Variants in HMCN1 observed in about 807,000 individuals in gnomAD.
The protein encoded by HMCN1 is hemicentin 1, also known as hemicentin-1.
Under a neutral mutation model 625.9 loss-of-function variants are expected in HMCN1, and 321 were observed. The ratio of observed to expected loss-of-function variants is 0.51; its 90% CI spans 0.47 to 0.56. The LOEUF (loss-of-function observed/expected upper bound fraction) is 0.56, where lower values mean the gene tolerates loss of function less well. HMCN1 is among the 20% of genes least tolerant of loss of function. The probability of loss-of-function intolerance (pLI) is 0.00; values close to 1 mark genes in which losing one functional copy is unlikely to be tolerated. For missense variants in HMCN1, 6,588 were observed against 6,887.3 expected, an observed-to-expected ratio of 0.96 and a Z score of 1.54; for synonymous variants, 2,425 against 2,417.6, an observed-to-expected ratio of 1.00 and a Z score of -0.09.
At position 185,893,994 on chromosome 1, in the gene HMCN1, G is replaced by A. The variant is rs1045409024; in HGVS notation, c.622-15343G>A. Among the ~76,000 whole-genome samples the A allele has an allele frequency of 1.0e-3, 158 of 152,048 alleles. 3 individuals carry two copies. Among genetic ancestry groups the A allele is most frequent in the African/African-American group, 3.6e-3 (148 of 41,468 alleles). On this transcript the variant is annotated intron_variant, in intron 4 of 106. Coordinates refer to ENST00000271588, the MANE Select transcript of HMCN1 (RefSeq NM_031935.3). The stretch of plus-strand genomic sequence containing the variant: ...ACATAGATTACAAAAAATTAGCCAG[G>A]CGTAGTGGCGGGCCCCTGTAGTCCC...
chr1:185,934,180 C>T (rs1252311181), intron 11 of HMCN1, among the ~76,000 whole-genome samples: 1 of 152,024 alleles, frequency 6.6e-6, no homozygotes, highest in Non-Finnish European at 1.5e-5. Flanking sequence ...AAAACAATTT[C>T]TTCCCAATTT....
intron 1 of HMCN1, among the ~76,000 whole-genome samples, chr1:185,777,942 G>A (rs140867830): frequency 6.6e-6 from 1 of 152,304 alleles, no homozygotes; most frequent in Non-Finnish European, 1.5e-5. Flanking sequence ...TGGTTACGGG[G>A]GAGAGCAGAA....
intron 91 of HMCN1, among the ~76,000 whole-genome samples, 192 bp from the exon 92 acceptor site, chr1:186,145,211 T>A (rs142129647): frequency 2.9e-4 from 44 of 152,386 alleles, no homozygotes; most frequent in African/African-American, 8.4e-4. Flanking sequence ...AATACAGGAA[T>A]GCATACTCAG....
At chr1:186,175,612 G>T (rs1001113632) in intron 103 of HMCN1, among the ~76,000 whole-genome samples, 1 of 152,100 alleles carries the variant, frequency 6.6e-6, no homozygotes, top group African/African-American at 2.4e-5. Flanking sequence ...CCATAACCGT[G>T]ACTTTTCAGA....
At chr1:185,762,660 T>G (rs1194288791) in intron 1 of HMCN1, among the ~76,000 whole-genome samples, 1 of 152,160 alleles carries the variant, frequency 6.6e-6, no homozygotes, top group Non-Finnish European at 1.5e-5. Context: ...TCAGCAGTAT[T>G]GACCATAACC....
chr1:185,749,483 G>A (rs929381759), intron 1 of HMCN1, among the ~76,000 whole-genome samples: 3 of 152,080 alleles, frequency 2.0e-5, no homozygotes, highest in African/African-American at 7.2e-5. Context: ...AGTACCTCAC[G>A]TTTATCATCA....
intron 97 of HMCN1, among the ~76,000 whole-genome samples, chr1:186,164,884 G>T (rs573839591): frequency 6.6e-6 from 1 of 152,188 alleles, no homozygotes; most frequent in Non-Finnish European, 1.5e-5. Flanking sequence ...ACTTACACAC[G>T]AAACCTGTTT....
rs1652836814 is a variant in HMCN1 at position 186,179,880 on chromosome 1, G to A, written c.16294+1114G>A. 4.6e-5 allele frequency among the ~76,000 whole-genome samples: 7 copies of A among 152,108 alleles called. 1 individual carries two copies. The South Asian group carries it at 1.5e-3, about 32-fold the overall frequency. ...CATCTTCCCATATCATCTCCACTCA[G>A]TTGGGCCCTCAGTCCCTCTGGACAC... On this transcript the variant is annotated intron_variant, in intron 104 of 106. Transcript: ENST00000271588.
chr1:186,176,560 A>C (rs1355980876), intron 103 of HMCN1, among the ~76,000 whole-genome samples: 1 of 152,166 alleles, frequency 6.6e-6, no homozygotes, highest in African/African-American at 2.4e-5. Context: ...CCATTCCTTC[A>C]TTAATTCAAC....
chr1:185,919,606 T>G (rs1666901189), intron 6 of HMCN1, among the ~76,000 whole-genome samples: 1 of 152,140 alleles, frequency 6.6e-6, no homozygotes, highest in African/African-American at 2.4e-5. Context: ...ATAACTCTCC[T>G]CCTATTGTGT....
intron 4 of HMCN1, among the ~76,000 whole-genome samples, chr1:185,881,165 C>G (rs1335489171): frequency 6.6e-6 from 1 of 152,322 alleles, no homozygotes; most frequent in East Asian, 1.9e-4. Context: ...GGGCAAAGGA[C>G]CAGTGTGACA....
chr1:185,883,405 C>G (rs1257859354), intron 4 of HMCN1, among the ~76,000 whole-genome samples: 1 of 152,064 alleles, frequency 6.6e-6, no homozygotes, highest in Non-Finnish European at 1.5e-5. Context: ...TGCCCCCTTT[C>G]ACTCACTTCT....
intron 102 of HMCN1, 85 bp downstream of exon 102, chr1:186,172,216 A>G: frequency 1.3e-6 from 2 of 1,544,250 alleles, no homozygotes; most frequent in Admixed American, 1.7e-5. Context: ...AAGTGATTAG[A>G]GTAAATTTAA....
chr1:186,121,027 T>G (rs1272440226), intron 80 of HMCN1, among the ~76,000 whole-genome samples: 1 of 152,144 alleles, frequency 6.6e-6, no homozygotes, highest in African/African-American at 2.4e-5. Context: ...GGAAGTAATA[T>G]TTAAGTGACC....
At chr1:185,968,781 C>T (rs1357972668) in intron 14 of HMCN1, among the ~76,000 whole-genome samples, 1 of 151,960 alleles carries the variant, frequency 6.6e-6, no homozygotes, top group Non-Finnish European at 1.5e-5. Flanking sequence ...TAACATTCTT[C>T]TAGTCTTACC....
chr1:186,093,703 A>G, intron 66 of HMCN1, 34 bp downstream of exon 66: 2 of 1,611,212 alleles, frequency 1.2e-6, no homozygotes, highest in South Asian at 2.2e-5. Context: ...TCCTAAACAG[A>G]TGAAGTAACT....
chr1:185,756,236 G>A (rs1396954180), intron 1 of HMCN1, among the ~76,000 whole-genome samples: 1 of 152,070 alleles, frequency 6.6e-6, no homozygotes, highest in Non-Finnish European at 1.5e-5. Context: ...TAGCCAGTTC[G>A]GTTTCTTACT....
chr1:186,057,077 T>A (rs774596213), intron 45 of HMCN1, among the ~76,000 whole-genome samples, 157 bp from the exon 46 acceptor site: 1 of 150,984 alleles, frequency 6.6e-6, no homozygotes, highest in African/African-American at 2.5e-5. Context: ...AGCTGGTTGT[T>A]GTGATTGCTT....
chr1:185,897,501 C>T (rs1489677434), intron 4 of HMCN1, among the ~76,000 whole-genome samples: 1 of 152,142 alleles, frequency 6.6e-6, no homozygotes, highest in Non-Finnish European at 1.5e-5. Context: ...TACACACACA[C>T]CAGCTATGAC....
Sources: gnomAD v4.1 joint callset for allele counts (sites outside exome capture counted in the v4.1 genomes callset) on GRCh38, gnomAD v4.1.1 for gene constraint, MANE v1.5 for transcripts, NCBI Gene and HGNC (gene_info 2026-07-23, HGNC 2026-07-21) for gene names.